Variants in FAM161A observed in about 807,000 individuals in gnomAD.
FAM161A encodes the protein protein FAM161A.
Under a neutral mutation model 70.9 loss-of-function variants are expected in FAM161A, and 57 were observed. The ratio of observed to expected loss-of-function variants is 0.80; its 90% CI spans 0.65 to 1.00. The LOEUF (loss-of-function observed/expected upper bound fraction) is 1.00. FAM161A is among the 50% of genes least tolerant of loss of function. The pLI is 0.00. For missense variants in FAM161A, 880 were observed against 836.0 expected (o/e 1.05, Z -0.65); for synonymous variants, 299 against 295.7 (o/e 1.01, Z -0.12).
the FAM161A span, chr2:61,803,247 A>G: frequency 1.6e-6 from 1 of 616,240 alleles, no homozygotes; most frequent in South Asian, 1.5e-5. Flanking sequence ...TCATCTTTGT[A>G]TTTGCATTCA....
downstream of FAM161A, among the ~76,000 whole-genome samples, chr2:61,824,329 G>A (rs1343154352): frequency 2.0e-5 from 3 of 150,800 alleles, no homozygotes; most frequent in Non-Finnish European, 4.4e-5. Context: ...AGAATGATTT[G>A]AAACTGTCAG....
intron 5 of FAM161A, among the ~76,000 whole-genome samples, chr2:61,829,495 G>C (rs1231208906): frequency 6.6e-6 from 1 of 152,102 alleles, no homozygotes; most frequent in African/African-American, 2.4e-5. Context: ...TTTTAGAAAA[G>C]TAAGTAAAAA....
chr2:61,821,001 A>G (rs1672190847), downstream of FAM161A, among the ~76,000 whole-genome samples: 1 of 152,084 alleles, frequency 6.6e-6, no homozygotes, highest in South Asian at 2.1e-4. Flanking sequence ...ATTTTCTGGT[A>G]TATCTTTTCA....
At chr2:61,835,748 CA>C in intron 5 of FAM161A, 4 of 421,246 alleles carry the variant, frequency 9.5e-6, no homozygotes, top group Non-Finnish European at 1.3e-5. Context: ...CAGGTTGGAC[CA>C]AAACTCTTGG....
intron 1 of FAM161A, chr2:61,846,727 A>G (rs1673228088): frequency 1.3e-5 from 4 of 299,292 alleles, no homozygotes; most frequent in African/African-American, 6.9e-5. Flanking sequence ...TTAGAGGGAG[A>G]TACAAGGCTA....
chr2:61,830,248 T>C lies in FAM161A; in HGVS notation c.1852-2990A>G, dbSNP rs182630997. ...ATCAATCAAACTATTATGATTCAGA[T>C]AGGAAATAAAGGTTCCACCTGGCAT... On this transcript the variant is annotated intron_variant, in intron 5 of 6. Coordinates refer to ENST00000404929, the MANE Select transcript of FAM161A (RefSeq NM_001201543.2). 7.2e-4 allele frequency among the ~76,000 whole-genome samples: 110 copies of C among 152,210 alleles called. 4 individuals carry two copies. The highest frequency in any genetic ancestry group is 6.0e-3 in the Admixed American group (92 of 15,300).
the FAM161A span, among the ~76,000 whole-genome samples, chr2:61,807,719 C>T: frequency 6.7e-6 from 1 of 149,302 alleles, no homozygotes; most frequent in Non-Finnish European, 1.5e-5. Flanking sequence ...TGGCTCACTG[C>T]AACCTCCACC....
At chr2:61,849,380 T>TTCTAACCCGA (rs1673417167) in intron 1 of FAM161A, among the ~76,000 whole-genome samples, 2 of 151,162 alleles carry the variant, frequency 1.3e-5, no homozygotes, top group Non-Finnish European at 2.9e-5. Flanking sequence ...TGGCATATAC[T>TTCTAACCCGA]TCTAACCCGA....
At chr2:61,849,517 G>A (rs1391945565) in intron 1 of FAM161A, among the ~76,000 whole-genome samples, 3 of 151,682 alleles carry the variant, frequency 2.0e-5, no homozygotes, top group African/African-American at 7.3e-5. Context: ...CAGGATGGTG[G>A]CTCAGGCCTG....
At position 61,839,791 on chromosome 2, in the gene FAM161A, C is replaced by A; in HGVS notation, c.1213G>T (p.Gly405Ter). ...TCAGGACACCTGGGGTTCCTGCATCCACAAGCTGACCTACAAGGCAGAGGA... is the reference window on the plus strand; with the variant it reads ...TCAGGACACCTGGGGTTCCTGCATCAACAAGCTGACCTACAAGGCAGAGGA... ...SSPLPCRSAC[G>*]CRNPRCPEQA... The change falls in exon 3 of 7, where the codon GGA (glycine) becomes TGA (stop). Residue 405 changes from glycine to a stop codon, truncating the protein, a stop_gained. Transcript: ENST00000404929. LOFTEE classifies it high-confidence loss of function. 1 of 1,614,128 alleles carries A rather than the reference C, an allele frequency of 6.2e-7. No individual in the cohort carries two copies. The highest frequency in any genetic ancestry group is 8.5e-7 in the Non-Finnish European group (1 of 1,180,038).
At chr2:61,805,876 T>A in the FAM161A span, among the ~76,000 whole-genome samples, 2 of 152,146 alleles carry the variant, frequency 1.3e-5, no homozygotes, top group East Asian at 1.9e-4. Context: ...GTTACATATC[T>A]TATTCACTAG....
chr2:61,820,339 G>C, downstream of FAM161A: 1 of 748,090 alleles, frequency 1.3e-6, no homozygotes, highest in South Asian at 1.4e-5. Flanking sequence ...GGTCATGAGA[G>C]ATCCCAACAC....
rs932302591 is a variant in FAM161A, at chr2:61,842,366, G to A, written c.184-6C>T. The A allele has an allele frequency of 6.5e-7, 1 of 1,530,278 alleles. No individual in the cohort carries two copies. The highest frequency in any genetic ancestry group is 8.9e-7 in the Non-Finnish European group (1 of 1,125,932). 94.8% of individuals were successfully genotyped at this position (1,530,278 alleles called of 1,614,324 possible). A position where few individuals can be genotyped will look rare whatever the true frequency, so the allele number is the denominator to read the frequency against. ...AAGCTGGTGTTCAAATCAGCCTGGT[G>A]GGGAGAAAACACTTGATATATAGTG... On this transcript the variant is annotated splice_region_variant and splice_polypyrimidine_tract_variant and intron_variant, in intron 1 of 6. Transcript: ENST00000404929.
chr2:61,846,199 G>A (rs79608444), intron 1 of FAM161A, among the ~76,000 whole-genome samples: 10 of 151,968 alleles, frequency 6.6e-5, no homozygotes, highest in East Asian at 5.8e-4. Flanking sequence ...TAGCAAATGC[G>A]CAGGCTGGGG....
chr2:61,840,657 C>CT (rs1249439380), intron 2 of FAM161A, 76 bp from the exon 3 acceptor site: 1,589 of 1,166,792 alleles, frequency 1.4e-3, no homozygotes, highest in Non-Finnish European at 1.7e-3. Flanking sequence ...TACATATTTT[C>CT]TTTTTTTTTC....
chr2:61,841,149 T>C (rs1271725391), intron 2 of FAM161A, among the ~76,000 whole-genome samples: 1 of 152,116 alleles, frequency 6.6e-6, no homozygotes, highest in East Asian at 1.9e-4. Flanking sequence ...CTCCCCACTT[T>C]CCAGAGTCAC....
the FAM161A span, among the ~76,000 whole-genome samples, chr2:61,806,634 T>A: frequency 1.9e-3 from 283 of 150,866 alleles, 1 homozygote; most frequent in African/African-American, 6.6e-3. Context: ...TGAAATCACA[T>A]GTAAGCTCTA....
intron 1 of FAM161A, among the ~76,000 whole-genome samples, chr2:61,848,818 ATATATATATC>A (rs1408266777): frequency 0.033 from 806 of 24,412 alleles, 236 homozygotes; most frequent in African/African-American, 0.056. Flanking sequence ...ATATATTTAT[ATATATATATC>A]TATATATATT....
intron 1 of FAM161A, among the ~76,000 whole-genome samples, chr2:61,846,154 G>A (rs1335507568): frequency 6.8e-6 from 1 of 147,762 alleles, no homozygotes; most frequent in Admixed American, 6.7e-5. Flanking sequence ...TTATGGGAAA[G>A]AAGGGGAAAG....
Sources: gnomAD v4.1 joint callset for allele counts (sites outside exome capture counted in the v4.1 genomes callset) on GRCh38, gnomAD v4.1.1 for gene constraint, MANE v1.5 for transcripts, NCBI Gene and HGNC (gene_info 2026-07-23, HGNC 2026-07-21) for gene names.